TP63: variants seen among roughly 807,000 people sequenced by gnomAD.
The protein encoded by TP63 is tumor protein 63.
In TP63, 17 loss-of-function variants were observed where a neutral mutation model predicts 82.8. The observed-to-expected ratio is 0.21, with a 90% CI of 0.14 to 0.31. The LOEUF is 0.31. Ranked by LOEUF, TP63 falls within the 10% of genes least tolerant of loss-of-function variation. The pLI, the probability that TP63 is intolerant of heterozygous loss-of-function variation, is 1.00. For synonymous variants in TP63, 330 were observed against 321.7 expected (o/e 1.03, Z -0.28); for missense variants, 648 against 895.3 (o/e 0.72, Z 3.52).
intron 4 of TP63, among the ~76,000 whole-genome samples, chr3:189,835,690 G>A (rs756230162): frequency 5.9e-5 from 9 of 151,798 alleles, no homozygotes; most frequent in Admixed American, 2.6e-4. Flanking sequence ...TTGGGAGACC[G>A]AGGCAGGTGG....
intron 1 of TP63, among the ~76,000 whole-genome samples, chr3:189,714,044 A>G (rs756958181): frequency 6.6e-6 from 1 of 152,180 alleles, no homozygotes; most frequent in Non-Finnish European, 1.5e-5. Context: ...CAATTTAGAC[A>G]AAGTTGGATT....
intron 4 of TP63, among the ~76,000 whole-genome samples, chr3:189,837,493 T>TTAAATTTA (rs1713328729): frequency 1.3e-5 from 2 of 152,182 alleles, no homozygotes; most frequent in African/African-American, 2.4e-5. Context: ...TTAAGAAATT[T>TTAAATTTA]AAGAAACTTC....
chr3:189,818,173 G>T (rs1014829766), intron 4 of TP63, among the ~76,000 whole-genome samples: 23 of 151,596 alleles, frequency 1.5e-4, no homozygotes, highest in African/African-American at 5.6e-4. Context: ...AATATAAATT[G>T]CCTTGAAAAT....
chr3:189,866,888 A>G (rs1717796548), intron 6 of TP63, 91 bp downstream of exon 6: 1 of 1,017,306 alleles, frequency 9.8e-7, no homozygotes, highest in Admixed American at 1.8e-5. Flanking sequence ...GGATGTTTCT[A>G]GCATCTATCA....
At chr3:189,603,391 T>A in the TP63 span, among the ~76,000 whole-genome samples, 1 of 152,074 alleles carries the variant, frequency 6.6e-6, no homozygotes. Flanking sequence ...CTTCTCCTTA[T>A]CCTTCTGAGT....
chr3:189,618,809 T>C, the TP63 span, among the ~76,000 whole-genome samples: 2 of 152,182 alleles, frequency 1.3e-5, no homozygotes, highest in Non-Finnish European at 1.5e-5. Context: ...ATATATCCAT[T>C]CTAGCCATGT....
chr3:189,731,761 G>A (rs917600168), intron 1 of TP63, among the ~76,000 whole-genome samples: 2 of 152,070 alleles, frequency 1.3e-5, no homozygotes, highest in Non-Finnish European at 2.9e-5. Context: ...AATTGACTTC[G>A]GGCTTTCTAT....
intron 1 of TP63, among the ~76,000 whole-genome samples, chr3:189,698,345 A>G (rs1717547450): frequency 6.6e-6 from 1 of 152,118 alleles, no homozygotes; most frequent in African/African-American, 2.4e-5. Context: ...AAAAGTTTAC[A>G]TTGAAATGTC....
intron 4 of TP63, among the ~76,000 whole-genome samples, chr3:189,848,239 T>TCCTTCTCTCTCTC (rs372147574): frequency 1.0e-5 from 1 of 95,984 alleles, no homozygotes; most frequent in African/African-American, 4.3e-5. Context: ...CTCCTCCTCC[T>TCCTTCTCTCTCTC]TCTCTCTCTC....
At chr3:189,871,123 T>G (rs546744903) in intron 9 of TP63, among the ~76,000 whole-genome samples, 24 of 152,294 alleles carry the variant, frequency 1.6e-4, no homozygotes, top group African/African-American at 5.8e-4. Flanking sequence ...GAAAAATTAT[T>G]TTAAAATTTC....
intron 1 of TP63, among the ~76,000 whole-genome samples, chr3:189,701,108 A>G (rs1034619494): frequency 2.0e-5 from 3 of 152,198 alleles, no homozygotes; most frequent in African/African-American, 7.2e-5. Context: ...TTCAACTTCC[A>G]ACATGATTGT....
chr3:189,736,001 ATC>A (rs1425607909), intron 1 of TP63, among the ~76,000 whole-genome samples: 2 of 151,778 alleles, frequency 1.3e-5, no homozygotes, highest in African/African-American at 4.8e-5. Flanking sequence ...GGTACATGGG[ATC>A]TCTCTGTATT....
At chr3:189,808,222 T>C in intron 3 of TP63, 50 bp from the exon 4 acceptor site, 1 of 1,614,196 alleles carries the variant, frequency 6.2e-7, no homozygotes, top group Non-Finnish European at 8.5e-7. Flanking sequence ...TTTGGAGCAA[T>C]GATCCGTGGC....
intron 4 of TP63, among the ~76,000 whole-genome samples, chr3:189,831,306 C>T (rs139083486): frequency 3.5e-4 from 53 of 152,116 alleles, no homozygotes; most frequent in African/African-American, 1.0e-3. Context: ...ATTTATTTTC[C>T]GTCTAATCGA....
At chr3:189,607,244 A>G in the TP63 span, among the ~76,000 whole-genome samples, 2 of 152,256 alleles carry the variant, frequency 1.3e-5, no homozygotes, top group African/African-American at 4.8e-5. Flanking sequence ...AGAGCAGGAA[A>G]AAGAACATTA....
At chr3:189,618,540 A>T in the TP63 span, among the ~76,000 whole-genome samples, 1 of 152,158 alleles carries the variant, frequency 6.6e-6, no homozygotes, top group Non-Finnish European at 1.5e-5. Flanking sequence ...AGCATGTGGT[A>T]GGTAAGTGCC....
chr3:189,716,559 C>G (rs928794347), intron 1 of TP63, among the ~76,000 whole-genome samples: 5 of 152,198 alleles, frequency 3.3e-5, no homozygotes, highest in African/African-American at 9.7e-5. Flanking sequence ...GCTTTCACAT[C>G]AGTAAACACA....
At chr3:189,602,902 T>C in the TP63 span, among the ~76,000 whole-genome samples, 1 of 152,228 alleles carries the variant, frequency 6.6e-6, no homozygotes, top group Non-Finnish European at 1.5e-5. Context: ...TAGTGTTCTA[T>C]GTTTAATGGC....
chr3:189,870,844 C>T (rs1437770337), intron 9 of TP63, among the ~76,000 whole-genome samples: 2 of 152,078 alleles, frequency 1.3e-5, no homozygotes, highest in Non-Finnish European at 2.9e-5. Flanking sequence ...GAGATTTGAC[C>T]ATGAACTACT....
Sources: allele counts gnomAD v4.1 joint callset (sites outside exome capture counted in the v4.1 genomes callset), GRCh38; gene constraint gnomAD v4.1.1; transcripts MANE v1.5; gene names NCBI Gene and HGNC (gene_info 2026-07-23, HGNC 2026-07-21).